Variants in ATP5F1C observed in about 807,000 individuals in gnomAD.
ATP5F1C encodes ATP synthase F1 subunit gamma.
A neutral mutation model predicts 37.4 loss-of-function variants in ATP5F1C; 22 were observed. The ratio of observed to expected loss-of-function variants is 0.59; its 90% confidence interval spans 0.42 to 0.84. The LOEUF is 0.84. Ranked by LOEUF, ATP5F1C falls within the 40% of genes least tolerant of loss-of-function variation. The probability of loss-of-function intolerance (pLI) is 0.00; values close to 1 mark genes in which losing one functional copy is unlikely to be tolerated. For missense variants in ATP5F1C, 286 were observed against 362.4 expected (o/e 0.79, Z 1.71); for synonymous variants, 121 against 128.0 (o/e 0.95, Z 0.37).
chr10:7,800,035 T>C lies in ATP5F1C; in HGVS notation c.581T>C (p.Ile194Thr), dbSNP rs371924088. 3.7e-6 allele frequency: 6 copies of C among 1,613,862 alleles called. No individual in the cohort carries two copies. The African/African-American group carries it at 8.0e-5, about 22-fold the overall frequency. The change falls in exon 6 of 10, where the codon ATC becomes ACC. Residue 194 changes from isoleucine (I) to threonine (T), a missense_variant. Coordinates refer to ENST00000356708, the MANE Select transcript of ATP5F1C (RefSeq NM_001001973.3). ...SIIFNKFRSV[I>T]SYKTEEKPIF... ...GTTTTTGTCAATTCTAGGTCTGTCA[T>C]CTCCTATAAGACAGAAGAAAAGCCC...
At chr10:7,807,165 C>T (rs1463267745) in intron 9 of ATP5F1C, among the ~76,000 whole-genome samples, 155 bp downstream of exon 9, 3 of 152,126 alleles carry the variant, frequency 2.0e-5, no homozygotes, top group African/African-American at 4.8e-5. Flanking sequence ...ACCTGGGCAA[C>T]GCTAGTGGAC....
intron 4 of ATP5F1C, 68 bp downstream of exon 4, chr10:7,799,262 T>A: frequency 6.8e-7 from 1 of 1,468,900 alleles, no homozygotes; most frequent in South Asian, 1.2e-5. Flanking sequence ...CTCAAAAGTT[T>A]TGACAAACTC....
intron 1 of ATP5F1C, among the ~76,000 whole-genome samples, chr10:7,792,693 G>T (rs1201760427): frequency 2.0e-5 from 3 of 152,134 alleles, no homozygotes; most frequent in Non-Finnish European, 4.4e-5. Flanking sequence ...TAGCTCCTTT[G>T]TGGTTTTGGT....
chr10:7,797,715 G>C (rs1836267062), intron 3 of ATP5F1C, among the ~76,000 whole-genome samples: 1 of 152,088 alleles, frequency 6.6e-6, no homozygotes, highest in South Asian at 2.1e-4. Flanking sequence ...ACTCATGATG[G>C]TGTTTTGAGA....
chr10:7,807,433 G>A (rs966361398), intron 9 of ATP5F1C, among the ~76,000 whole-genome samples: 1 of 152,156 alleles, frequency 6.6e-6, no homozygotes, highest in Non-Finnish European at 1.5e-5. Context: ...ACTCGAGAAT[G>A]AGAATATAAC....
At position 7,788,177 on chromosome 10, in the gene ATP5F1C, C is replaced by T; in HGVS notation, c.-31C>T. ...TCGGCGCATGCGCGCTGAGGCCTGC[C>T]TGACCGACCTTCAGCAGGGCTGTGG... On this transcript the variant is annotated 5_prime_UTR_variant, in exon 1 of 10. Coordinates refer to ENST00000356708, the MANE Select transcript of ATP5F1C (RefSeq NM_001001973.3). 1.9e-6 allele frequency: 3 copies of T among 1,611,932 alleles called. No individual in the cohort carries two copies. The highest frequency in any genetic ancestry group is 2.5e-6 in the Non-Finnish European group (3 of 1,179,724).
At chr10:7,795,979 A>G in intron 1 of ATP5F1C, 142 bp from the exon 2 acceptor site, 1 of 641,618 alleles carries the variant, frequency 1.6e-6, no homozygotes, top group Non-Finnish European at 2.7e-6. Context: ...ATGTCTATTC[A>G]TATACATTCT....
intron 1 of ATP5F1C, among the ~76,000 whole-genome samples, chr10:7,792,371 G>T (rs1279739627): frequency 1.3e-5 from 2 of 152,176 alleles, no homozygotes; most frequent in East Asian, 1.9e-4. Flanking sequence ...GGTGAGGGGA[G>T]TGAGACCCTG....
rs1836329954 is a variant in ATP5F1C, at chr10:7,800,235, T to A, written c.637+144T>A. ...CTTTTTTAGATGGAATCTTGCTGCC[T>A]CCCAGGCTGGAGTGCAGTGGCACCA... On this transcript the variant is annotated intron_variant, in intron 6 of 9. Transcript: ENST00000356708. 1.6e-5 allele frequency: 14 copies of A among 881,568 alleles called. 1 individual carries two copies. In the South Asian group the frequency reaches 2.1e-4, roughly 13 times the overall value. The allele number at this position is 881,568 out of a possible 1,614,324, so 54.6% of individuals were successfully genotyped here.
rs554921141 is a variant in ATP5F1C, at chr10:7,807,131, C to T, written c.*30+121C>T. On this transcript the variant is annotated intron_variant, in intron 9 of 9. Coordinates refer to ENST00000356708, the MANE Select transcript of ATP5F1C (RefSeq NM_001001973.3). ...AGATTTAGATGGATGGGCCACTTCA[C>T]AGTAGCAGCCAACTCACGGGAGCAC... 278 of 878,162 alleles carry T rather than the reference C, an allele frequency of 3.2e-4. 3 individuals are homozygous for T. The South Asian group carries it at 4.1e-3, about 13-fold the overall frequency. The allele number at this position is 878,162 out of a possible 1,614,324, so 54.4% of individuals were successfully genotyped here. A position where few individuals can be genotyped will look rare whatever the true frequency, so the allele number is the denominator to read the frequency against.
chr10:7,806,965 A>T lies in ATP5F1C; in HGVS notation c.891-9A>T. 1 of 1,609,296 alleles carries T rather than the reference A, an allele frequency of 6.2e-7. No individual in the cohort carries two copies. Among genetic ancestry groups the T allele is most frequent in the Non-Finnish European group, 8.5e-7 (1 of 1,175,902 alleles). ...TGTGTTTGTCTTTTTCTTCTAATAT[A>T]ATAACCAGGGATTAATGAAAATCAA... On this transcript the variant is annotated splice_polypyrimidine_tract_variant and intron_variant, in intron 8 of 9. Transcript: ENST00000356708.
chr10:7,807,223 A>G (rs1836499667), intron 9 of ATP5F1C, among the ~76,000 whole-genome samples: 1 of 152,218 alleles, frequency 6.6e-6, no homozygotes, highest in South Asian at 2.1e-4. Flanking sequence ...ATATAAGGAA[A>G]TAAACTTTGA....
Position 7,800,079 on chromosome 10 carries a change from G to T in ATP5F1C, c.625G>T (p.Val209Phe). The T allele has an allele frequency of 2.5e-6, 4 of 1,613,838 alleles. No individual in the cohort carries two copies. Among genetic ancestry groups the T allele is most frequent in the Non-Finnish European group, 3.4e-6 (4 of 1,179,980 alleles). ...EEKPIFSLNT[V>F]ASADSMSIYD... is the part of the protein sequence containing the mutation. ...AAAGCCCATCTTTTCCCTTAATACC[G>T]TTGCAAGTGCTGGTAAGTAGTTTTT... Residue 209 changes from valine to phenylalanine, a missense_variant, in exon 6 of 10, where the codon GTT (valine) becomes TTT (phenylalanine). Transcript: ENST00000356708.
At chr10:7,803,522 T>C (rs1037387924) in intron 8 of ATP5F1C, among the ~76,000 whole-genome samples, 9 of 152,220 alleles carry the variant, frequency 5.9e-5, no homozygotes, top group African/African-American at 2.2e-4. Context: ...TATTTTTGTC[T>C]TTTTTCCAAA....
Position 7,800,643 on chromosome 10 carries a change from C to T in ATP5F1C, c.637+552C>T, listed in dbSNP as rs548547292. The stretch of plus-strand genomic sequence containing the variant: ...CCAAGTAGCTGGGATTACAGGTGCA[C>T]GCCACCACGCCTGGCTAATTTTTGT... On this transcript the variant is annotated intron_variant, in intron 6 of 9. Coordinates refer to ENST00000356708, the MANE Select transcript of ATP5F1C (RefSeq NM_001001973.3). Among the ~76,000 whole-genome samples, 90 of 152,118 alleles carry T rather than the reference C, an allele frequency of 5.9e-4. 3 individuals carry two copies. In the South Asian group the frequency reaches 0.015, roughly 25 times the overall value.
chr10:7,799,147 A>G lies in ATP5F1C; in HGVS notation c.381A>G (p.Glu127=), dbSNP rs1022294659. 1.9e-6 allele frequency: 3 copies of G among 1,613,956 alleles called. No individual in the cohort carries two copies. The African/African-American group carries it at 4.0e-5, about 22-fold the overall frequency. Residue 127 remains glutamate, a synonymous_variant, in exon 4 of 10, where the codon GAA becomes GAG. Coordinates refer to ENST00000356708, the MANE Select transcript of ATP5F1C (RefSeq NM_001001973.3). ...EVATLTAAGK[E]VMLVGIGDKI... is the part of the protein sequence containing the mutation. The stretch of plus-strand genomic sequence containing the variant: ...CTACACTAACAGCAGCTGGGAAAGA[A>G]GTTATGCTTGTTGGAATTGGTGACA...
chr10:7,792,223 C>A (rs1254296127), intron 1 of ATP5F1C, among the ~76,000 whole-genome samples: 2 of 152,142 alleles, frequency 1.3e-5, no homozygotes, highest in African/African-American at 4.8e-5. Context: ...TCAGGATTTG[C>A]CAGCTTTTAT....
chr10:7,791,961 C>T (rs1159776774), intron 1 of ATP5F1C, among the ~76,000 whole-genome samples: 1 of 152,186 alleles, frequency 6.6e-6, no homozygotes, highest in Non-Finnish European at 1.5e-5. Context: ...ATATGGTATT[C>T]AATTCAAATT....
intron 8 of ATP5F1C, among the ~76,000 whole-genome samples, chr10:7,806,268 A>C (rs1202838825): frequency 6.6e-6 from 1 of 152,254 alleles, no homozygotes; most frequent in East Asian, 1.9e-4. Context: ...AAAAGATCAA[A>C]AAACAAAATA....
Sources: gnomAD v4.1 joint callset for allele counts (sites outside exome capture counted in the v4.1 genomes callset) on GRCh38, gnomAD v4.1.1 for gene constraint, MANE v1.5 for transcripts, NCBI Gene and HGNC (gene_info 2026-07-23, HGNC 2026-07-21) for gene names.